Variants in MROH9 observed in about 807,000 individuals in gnomAD.
MROH9 encodes the protein maestro heat-like repeat-containing protein family member 9.
Under a neutral mutation model 98.2 loss-of-function variants are expected in MROH9, and 92 were observed. The observed-to-expected ratio is 0.94, with a 90% CI of 0.79 to 1.11. The LOEUF (loss-of-function observed/expected upper bound fraction) is 1.11. Among genes scored for constraint, MROH9 ranks in the 50% most tolerant of loss-of-function variants. MROH9 has a pLI of 0.00. For synonymous variants in MROH9, 397 were observed against 368.9 expected (o/e 1.08, Z -0.87); for missense variants, 1,057 against 1,014.8 (o/e 1.04, Z -0.57).
chr1:170,996,573 A>G lies in MROH9; in HGVS notation c.1404A>G (p.Leu468=), dbSNP rs372432532. 4 of 1,613,430 alleles carry G rather than the reference A, an allele frequency of 2.5e-6. No homozygotes were observed. In the African/African-American group the frequency reaches 5.3e-5, roughly 22 times the overall value. ...GACTGCAACAGGTGGATATTACTCTAATGAAGGAGAATTTCTGGGACCAGT... is the reference window on the plus strand; with the variant it reads ...GACTGCAACAGGTGGATATTACTCTGATGAAGGAGAATTTCTGGGACCAGT... ...CSGLQQVDIT[L]MKENFWDQLS... is the part of the protein sequence containing the mutation. Residue 468 remains leucine (L), a synonymous_variant, in exon 14 of 22, where the codon CTA becomes CTG. Coordinates refer to ENST00000367759, the MANE Select transcript of MROH9 (RefSeq NM_001163629.2).
chr1:171,025,914 C>A (rs7892078), intron 20 of MROH9, among the ~76,000 whole-genome samples: 36,516 of 152,028 alleles, frequency 0.24, 7,332 homozygotes, highest in African/African-American at 0.56. Flanking sequence ...AACCTGACCA[C>A]ACAGTTTTTC....
chr1:171,013,139 C>G (rs1028118869), intron 15 of MROH9, among the ~76,000 whole-genome samples: 11 of 152,136 alleles, frequency 7.2e-5, no homozygotes, highest in Non-Finnish European at 1.5e-4. Flanking sequence ...ACTCACAAAC[C>G]TAAATCTAAA....
chr1:171,022,238 C>T (rs1557901794), intron 17 of MROH9, among the ~76,000 whole-genome samples: 1 of 152,174 alleles, frequency 6.6e-6, no homozygotes, highest in Non-Finnish European at 1.5e-5. Flanking sequence ...CCAGCAATCC[C>T]ATTACTGAGT....
intron 8 of MROH9, among the ~76,000 whole-genome samples, chr1:170,973,577 T>C (rs376588482): frequency 2.6e-5 from 4 of 152,216 alleles, no homozygotes; most frequent in South Asian, 2.1e-4. Context: ...TGAAATCCAA[T>C]TTAAAAAAAA....
At chr1:171,058,815 C>T (rs375989610) in intron 20 of MROH9, among the ~76,000 whole-genome samples, 8 of 152,342 alleles carry the variant, frequency 5.3e-5, no homozygotes, top group African/African-American at 1.7e-4. Context: ...AAACTGGACC[C>T]TTTCCTTACA....
intron 1 of MROH9, among the ~76,000 whole-genome samples, chr1:170,942,112 C>T (rs1458155132): frequency 6.6e-6 from 1 of 152,142 alleles, no homozygotes; most frequent in Admixed American, 6.5e-5. Flanking sequence ...GCTTTAATAT[C>T]CATTTCTACA....
intron 20 of MROH9, among the ~76,000 whole-genome samples, chr1:171,026,266 G>C (rs1037141721): frequency 6.7e-6 from 1 of 148,404 alleles, no homozygotes. Flanking sequence ...ATAACTTTCT[G>C]TCATTTTCTT....
chr1:170,940,930 CG>C (rs1422811322), intron 1 of MROH9, among the ~76,000 whole-genome samples: 1 of 152,170 alleles, frequency 6.6e-6, no homozygotes, highest in Non-Finnish European at 1.5e-5. Context: ...AACCAGTATG[CG>C]GATTCCACTA....
At chr1:170,978,121 T>C (rs905054140) in intron 8 of MROH9, among the ~76,000 whole-genome samples, 4 of 151,976 alleles carry the variant, frequency 2.6e-5, no homozygotes, top group African/African-American at 9.7e-5. Context: ...CCAAGAAACA[T>C]GGAGCTGCTG....
At position 170,947,509 on chromosome 1, in the gene MROH9, C is replaced by G. The variant is rs754518398; in HGVS notation, c.26-18C>G. ...CTATGTTCATTCCTTTTTAACGAAT[C>G]TCCTTCTTTCTGGCTAGAGAGTAGT... On this transcript the variant is annotated intron_variant, in intron 2 of 21. Coordinates refer to ENST00000367759, the MANE Select transcript of MROH9 (RefSeq NM_001163629.2). The G allele has an allele frequency of 1.2e-6, 2 of 1,607,142 alleles. No individual in the cohort carries two copies. The highest frequency in any genetic ancestry group is 2.2e-5 in the South Asian group (2 of 90,608).
rs146091390 is a variant in MROH9 at position 170,939,087 on chromosome 1, T to C, written c.-38+3500T>C. ...ATTATTAAATAATCCTCAGCAGAGA[T>C]TGCCCTTTGGTGAATATTTACAGGG... On this transcript the variant is annotated intron_variant, in intron 1 of 21. Transcript: ENST00000367759. Among the ~76,000 whole-genome samples the C allele has an allele frequency of 7.5e-4, 115 of 152,354 alleles. 1 individual carries two copies. Among genetic ancestry groups the C allele is most frequent in the African/African-American group, 2.5e-3 (105 of 41,582 alleles).
intron 7 of MROH9, among the ~76,000 whole-genome samples, chr1:170,969,438 AT>A (rs923138727): frequency 7.2e-5 from 11 of 152,224 alleles, no homozygotes; most frequent in Non-Finnish European, 2.9e-5. Flanking sequence ...GTATTAATAT[AT>A]TAGTAAAACA....
At chr1:170,943,468 T>C (rs1649200732) in intron 1 of MROH9, among the ~76,000 whole-genome samples, 1 of 151,896 alleles carries the variant, frequency 6.6e-6, no homozygotes, top group Non-Finnish European at 1.5e-5. Flanking sequence ...GAAGAAAATA[T>C]ATAAATAAAT....
rs1418257815 is a variant in MROH9 at position 170,958,235 on chromosome 1, A to G, written c.73-226A>G. ...TGCTGTCTGGAAATGCAAATTGTAT[A>G]AGCATAGTGGTTGACTGTAAAAGAC... is the stretch of plus-strand genomic sequence containing the variant. On this transcript the variant is annotated intron_variant, in intron 3 of 21. Coordinates refer to ENST00000367759, the MANE Select transcript of MROH9 (RefSeq NM_001163629.2). 7.9e-5 allele frequency among the ~76,000 whole-genome samples: 12 copies of G among 152,186 alleles called. 1 individual carries two copies. The highest frequency in any genetic ancestry group is 1.8e-4 in the Non-Finnish European group (12 of 68,030).
At chr1:170,967,446 A>G (rs1650277289) in intron 7 of MROH9, among the ~76,000 whole-genome samples, 1 of 152,184 alleles carries the variant, frequency 6.6e-6, no homozygotes, top group African/African-American at 2.4e-5. Context: ...CTGTTGACAA[A>G]TTAAAATCTG....
chr1:170,946,448 G>A (rs1649334704), intron 2 of MROH9, among the ~76,000 whole-genome samples: 1 of 151,860 alleles, frequency 6.6e-6, no homozygotes, highest in Non-Finnish European at 1.5e-5. Context: ...ATCCTGGACT[G>A]GATCCCAGAA....
chr1:170,967,576 A>G lies in MROH9; in HGVS notation c.480+2321A>G, dbSNP rs1650281751. The stretch of plus-strand genomic sequence containing the variant: ...TCATTTGTTATCTGGTACTGTTCCT[A>G]CACTGGATAGACTTTTTTCTCCATA... On this transcript the variant is annotated intron_variant, in intron 7 of 21. Transcript: ENST00000367759. 3.9e-5 allele frequency among the ~76,000 whole-genome samples: 6 copies of G among 152,282 alleles called. No individual in the cohort carries two copies. In the South Asian group the frequency reaches 1.2e-3, roughly 32 times the overall value.
At chr1:170,994,307 C>T (rs553072214) in intron 12 of MROH9, among the ~76,000 whole-genome samples, 9 of 152,256 alleles carry the variant, frequency 5.9e-5, no homozygotes. Context: ...GGTTTGTCTG[C>T]CCATAACTGT....
At chr1:170,936,597 G>A (rs981500323) in intron 1 of MROH9, among the ~76,000 whole-genome samples, 4 of 152,136 alleles carry the variant, frequency 2.6e-5, no homozygotes, top group Admixed American at 6.5e-5. Context: ...AGTTTGACAC[G>A]TAATATTAAC....
Sources: allele counts gnomAD v4.1 joint callset (sites outside exome capture counted in the v4.1 genomes callset), GRCh38; gene constraint gnomAD v4.1.1; transcripts MANE v1.5; gene names NCBI Gene and HGNC (gene_info 2026-07-23, HGNC 2026-07-21).